Variants in PLEKHA5 observed in about 807,000 individuals in gnomAD.
PLEKHA5 encodes the protein pleckstrin homology domain-containing family A member 5.
In PLEKHA5, 55 loss-of-function variants were observed where a neutral mutation model predicts 181.9. The ratio of observed to expected loss-of-function variants is 0.30; its 90% CI spans 0.24 to 0.38. The LOEUF (loss-of-function observed/expected upper bound fraction) is 0.38. Among genes scored for constraint, PLEKHA5 ranks in the 10% least tolerant of loss-of-function variants. The pLI is 1.00. For synonymous variants in PLEKHA5, 535 were observed against 529.4 expected (o/e 1.01, Z -0.15); for missense variants, 1,432 against 1,549.5 (o/e 0.92, Z 1.27).
At chr12:19,351,418 A>G (rs934597487) in intron 25 of PLEKHA5, among the ~76,000 whole-genome samples, 19 of 152,226 alleles carry the variant, frequency 1.2e-4, no homozygotes, top group Non-Finnish European at 2.4e-4. Flanking sequence ...AAGCATATAC[A>G]ACAACTATTT....
At chr12:19,207,424 G>T (rs1236742756) in intron 3 of PLEKHA5, 1 of 152,086 alleles carries the variant, frequency 6.6e-6, no homozygotes. Context: ...CAGGTTTCTA[G>T]ATATTAAGCA....
intron 29 of PLEKHA5, among the ~76,000 whole-genome samples, chr12:19,364,704 C>G (rs1001822177): frequency 1.3e-5 from 2 of 151,682 alleles, no homozygotes; most frequent in Non-Finnish European, 2.9e-5. Flanking sequence ...CTCTGTCGCC[C>G]AGGCTGGCGT....
intron 3 of PLEKHA5, among the ~76,000 whole-genome samples, chr12:19,198,965 A>AT (rs1281615083): frequency 6.6e-6 from 1 of 152,100 alleles, no homozygotes; most frequent in East Asian, 1.9e-4. Context: ...AACATGACAG[A>AT]TTTTCTTATA....
At chr12:19,255,217 T>G in intron 5 of PLEKHA5, 52 bp downstream of exon 5, 1 of 1,133,108 alleles carries the variant, frequency 8.8e-7, no homozygotes, top group Non-Finnish European at 1.2e-6. Flanking sequence ...ACAGTATCTA[T>G]ACCGTTACTC....
chr12:19,223,598 T>G (rs1244926707), intron 3 of PLEKHA5, among the ~76,000 whole-genome samples: 1 of 152,202 alleles, frequency 6.6e-6, no homozygotes, highest in Non-Finnish European at 1.5e-5. Flanking sequence ...AAAATGATTT[T>G]TAGGTATGTT....
At chr12:19,183,139 A>G (rs1269665558) in intron 3 of PLEKHA5, among the ~76,000 whole-genome samples, 1 of 152,244 alleles carries the variant, frequency 6.6e-6, no homozygotes, top group Non-Finnish European at 1.5e-5. Flanking sequence ...GATGAATTCA[A>G]TGTGCAAGTT....
intron 8 of PLEKHA5, among the ~76,000 whole-genome samples, chr12:19,267,691 C>T (rs1172305473): frequency 1.3e-5 from 2 of 148,664 alleles, no homozygotes; most frequent in East Asian, 2.0e-4. Context: ...TAGCCAGGCA[C>T]GGTGGCTCAT....
chr12:19,173,005 C>CTTTCTTTT (rs2046302396), intron 3 of PLEKHA5, among the ~76,000 whole-genome samples: 1 of 33,544 alleles, frequency 3.0e-5, no homozygotes, highest in Non-Finnish European at 5.2e-5. Flanking sequence ...ATTTCCCTTT[C>CTTTCTTTT]TTTTTTTTTT....
At chr12:19,202,022 C>G (rs2054316690) in intron 3 of PLEKHA5, 4 of 972,354 alleles carry the variant, frequency 4.1e-6, no homozygotes, top group Admixed American at 6.2e-5. Flanking sequence ...GGGTTCATTA[C>G]TTTTTGTTCG....
At chr12:19,209,871 A>C (rs931039140) in intron 3 of PLEKHA5, among the ~76,000 whole-genome samples, 1 of 152,168 alleles carries the variant, frequency 6.6e-6, no homozygotes, top group Non-Finnish European at 1.5e-5. Flanking sequence ...CTTTAGTAGA[A>C]ATGTCTGGGA....
At chr12:19,252,030 T>C (rs2065468425) in intron 3 of PLEKHA5, among the ~76,000 whole-genome samples, 1 of 152,176 alleles carries the variant, frequency 6.6e-6, no homozygotes, top group Non-Finnish European at 1.5e-5. Context: ...ATGTGCTTCT[T>C]AGACTACTTG....
chr12:19,223,846 C>T (rs4396337), intron 3 of PLEKHA5, among the ~76,000 whole-genome samples: 3 of 152,192 alleles, frequency 2.0e-5, no homozygotes, highest in South Asian at 2.1e-4. Context: ...TTTGCTGGAC[C>T]GCTACTCCAA....
intron 3 of PLEKHA5, among the ~76,000 whole-genome samples, chr12:19,145,456 C>T (rs1014318463): frequency 3.3e-5 from 5 of 152,016 alleles, no homozygotes; most frequent in Non-Finnish European, 5.9e-5. Flanking sequence ...GTCCATTTTT[C>T]TACTGTTCTT....
Position 19,320,034 on chromosome 12 carries a change from A to G in PLEKHA5, c.2132A>G (p.Lys711Arg). ...PQLYQQFLRQ[K>R]SKISLYCLSQ... ...ATTATCTTTTAGTTCTTAAGACAGA[A>G]GAGCAAGATAAGTCTATATTGTGTA... is the stretch of plus-strand genomic sequence containing the variant. The change falls in exon 17 of 32, where the codon AAG becomes AGG. Residue 711 changes from lysine (K) to arginine (R), a missense_variant. Lys to Arg is a conservative substitution (Grantham distance 26). Around this residue, in one of 2 missense-constraint regions of PLEKHA5, gnomAD observed 1,143 missense variants for 1,168.4 expected, o/e 0.98. Transcript: ENST00000429027. 7.8e-7 allele frequency: 1 copy of G among 1,287,548 alleles called. No individual in the cohort carries two copies. The highest frequency in any genetic ancestry group is 1.1e-6 in the Non-Finnish European group (1 of 934,010). The allele number at this position is 1,287,548 out of a possible 1,614,324, so 79.8% of individuals were successfully genotyped here.
chr12:19,191,116 A>G (rs186004669), intron 3 of PLEKHA5, among the ~76,000 whole-genome samples: 67 of 152,348 alleles, frequency 4.4e-4, no homozygotes, highest in African/African-American at 1.3e-3. Flanking sequence ...AAATGAAAAT[A>G]CTTTCTTCCC....
Position 19,361,528 on chromosome 12 carries a change from A to G in PLEKHA5, c.3484-54A>G. 4 of 901,340 alleles carry G rather than the reference A, an allele frequency of 4.4e-6. No homozygotes were observed. The Admixed American group carries it at 1.0e-4, about 23-fold the overall frequency. 55.8% of individuals were successfully genotyped at this position (901,340 alleles called of 1,614,324 possible). A position where few individuals can be genotyped will look rare whatever the true frequency, so the allele number is the denominator to read the frequency against. Reference sequence around the variant, plus strand: ...ATTTTGGAATTATTTTAGATATGCTAATCTAATGTGATAAGAATTCTTTGA... The same window carrying G: ...ATTTTGGAATTATTTTAGATATGCTGATCTAATGTGATAAGAATTCTTTGA... On this transcript the variant is annotated intron_variant, in intron 28 of 31. Transcript: ENST00000429027.
At chr12:19,176,165 C>T (rs1359951368) in intron 3 of PLEKHA5, 1 of 151,410 alleles carries the variant, frequency 6.6e-6, no homozygotes, top group African/African-American at 2.4e-5. Flanking sequence ...GGAGGGAGTT[C>T]TCCAGACACT....
At chr12:19,247,628 G>C (rs2064074478) in intron 3 of PLEKHA5, among the ~76,000 whole-genome samples, 1 of 151,740 alleles carries the variant, frequency 6.6e-6, no homozygotes. Flanking sequence ...TAAAGTATCA[G>C]GCCTTTCATT....
rs1158039450 is a variant in PLEKHA5 at position 19,340,751 on chromosome 12, G to A, written c.2551-2572G>A. ...TGCTTTGTTAAACAGATGCTTGAAG[G>A]CAGCATGCTCGTTAAGAGTCATCAC... On this transcript the variant is annotated intron_variant, in intron 21 of 31. Coordinates refer to ENST00000429027, the MANE Select transcript of PLEKHA5 (RefSeq NM_001256470.2). Among the ~76,000 whole-genome samples, 6 of 147,608 alleles carry A rather than the reference G, an allele frequency of 4.1e-5. No homozygotes were observed. In the East Asian group the frequency reaches 1.2e-3, roughly 29 times the overall value.
Sources: allele counts gnomAD v4.1 joint callset (sites outside exome capture counted in the v4.1 genomes callset), GRCh38; gene constraint gnomAD v4.1.1; regional missense constraint gnomAD v4.1.1; transcripts MANE v1.5; gene names NCBI Gene and HGNC (gene_info 2026-07-23, HGNC 2026-07-21).